KNTC1: variants seen among roughly 807,000 people sequenced by gnomAD.
KNTC1 encodes the protein kinetochore associated 1, also known as kinetochore-associated protein 1.
A neutral mutation model predicts 314.4 loss-of-function variants in KNTC1; 253 were observed. The observed-to-expected ratio is 0.80, with a 90% confidence interval of 0.73 to 0.89. The LOEUF is 0.89. Ranked by LOEUF, KNTC1 falls within the 40% of genes least tolerant of loss-of-function variation. The probability of loss-of-function intolerance (pLI) is 0.00; values close to 1 mark genes in which losing one functional copy is unlikely to be tolerated. For synonymous variants in KNTC1, 901 were observed against 901.4 expected (o/e 1.00, Z 0.01); for missense variants, 2,475 against 2,572.9 (o/e 0.96, Z 0.82).
At chr12:122,561,051 C>G (rs1172710234) in intron 18 of KNTC1, among the ~76,000 whole-genome samples, 5 of 152,116 alleles carry the variant, frequency 3.3e-5, no homozygotes, top group Admixed American at 3.3e-4. Flanking sequence ...GTGGCTCATG[C>G]CTATAATCCT....
chr12:122,556,173 C>T (rs1366267043), intron 16 of KNTC1, among the ~76,000 whole-genome samples: 4 of 151,836 alleles, frequency 2.6e-5, no homozygotes, highest in Admixed American at 1.3e-4. Flanking sequence ...CGCACCACCA[C>T]GCCTGGCTAA....
intron 2 of KNTC1, among the ~76,000 whole-genome samples, chr12:122,530,651 A>G (rs1182384158): frequency 6.6e-6 from 1 of 152,010 alleles, no homozygotes; most frequent in Non-Finnish European, 1.5e-5. Context: ...GGGTTTCTCC[A>G]TGTTGGCCAG....
In KNTC1 at chr12:122,582,687, T is replaced by C. The variant is rs754153572; in HGVS notation, c.2983-18T>C. The C allele has an allele frequency of 2.8e-5, 44 of 1,568,304 alleles. No homozygotes were observed. Among genetic ancestry groups the C allele is most frequent in the Admixed American group, 7.5e-5 (4 of 53,244 alleles). On this transcript the variant is annotated intron_variant, in intron 33 of 63. Coordinates refer to ENST00000333479, the MANE Select transcript of KNTC1 (RefSeq NM_014708.6). ...ATTAAACAGACTTGGGACTTTGTCTTGCTTACCTTTGCTACAGGAGAACTT... is the reference window on the plus strand; with the variant it reads ...ATTAAACAGACTTGGGACTTTGTCTCGCTTACCTTTGCTACAGGAGAACTT...
At chr12:122,612,994 TAG>T in intron 53 of KNTC1, 116 bp from the exon 54 acceptor site, 1 of 676,172 alleles carries the variant, frequency 1.5e-6, no homozygotes, top group Middle Eastern at 2.5e-4. Flanking sequence ...TCCGTAACTG[TAG>T]AGATTGACTT....
rs1446803863 is a variant in KNTC1, at chr12:122,546,631, A to C, written c.773A>C (p.Lys258Thr). 4.4e-6 allele frequency: 7 copies of C among 1,584,438 alleles called. No homozygotes were observed. Among genetic ancestry groups the C allele is most frequent in the Non-Finnish European group, 6.0e-6 (7 of 1,159,850 alleles). The part of the protein sequence containing the change: ...IDAEIIKGAK[K>T]FQLIDNLLFV... ...ATTTTCTCTTTTGTAGGTGCAAAGA[A>C]GTTCCAGCTGATAGACAATCTACTT... The change falls in exon 10 of 64, where the codon AAG becomes ACG. Residue 258 changes from lysine (K) to threonine (T), a missense_variant. Coordinates refer to ENST00000333479, the MANE Select transcript of KNTC1 (RefSeq NM_014708.6).
intron 51 of KNTC1, among the ~76,000 whole-genome samples, chr12:122,608,826 G>A (rs1872793661): frequency 1.3e-5 from 2 of 152,174 alleles, no homozygotes; most frequent in African/African-American, 4.8e-5. Context: ...GGGAGGCTGA[G>A]GTGGGAGGAT....
intron 20 of KNTC1, among the ~76,000 whole-genome samples, chr12:122,566,011 C>T (rs1271954549): frequency 1.5e-5 from 2 of 135,730 alleles, no homozygotes; most frequent in Non-Finnish European, 3.0e-5. Context: ...GGCATGATCT[C>T]GGCTCACTGC....
Position 122,585,653 on chromosome 12 carries a change from T to TG in KNTC1, c.3552_3553insG (p.Lys1185GlufsTer5). 1 of 1,613,924 alleles carries TG rather than the reference T, an allele frequency of 6.2e-7. No homozygotes were observed. The highest frequency in any genetic ancestry group is 8.5e-7 in the Non-Finnish European group (1 of 1,179,828). ...GCACCTAGGCTTCTTTTGGGACACA[T>TG]AAAGATCCATATGAAGAGTGGTCTT... is the stretch of plus-strand genomic sequence containing the variant. On this transcript the variant is annotated frameshift_variant, in exon 37 of 64. Coordinates refer to ENST00000333479, the MANE Select transcript of KNTC1 (RefSeq NM_014708.6). LOFTEE classifies it high-confidence loss of function.
chr12:122,548,459 C>G (rs1218358993), intron 12 of KNTC1, among the ~76,000 whole-genome samples: 1 of 152,066 alleles, frequency 6.6e-6, no homozygotes, highest in Admixed American at 6.6e-5. Context: ...TTGCCTGCCT[C>G]TCGGCCTCCC....
At chr12:122,621,766 G>A (rs1874462154) in intron 60 of KNTC1, 115 bp from the exon 61 acceptor site, 1 of 648,730 alleles carries the variant, frequency 1.5e-6, no homozygotes, top group Admixed American at 2.8e-5. Context: ...CAGTGTTTCA[G>A]TATTTAAATA....
At chr12:122,556,051 C>T (rs1963566359) in intron 16 of KNTC1, among the ~76,000 whole-genome samples, 1 of 151,574 alleles carries the variant, frequency 6.6e-6, no homozygotes, top group African/African-American at 2.4e-5. Flanking sequence ...GTTGTTTTGT[C>T]TCCCAAACTG....
At chr12:122,545,325 C>G (rs994391912) in intron 8 of KNTC1, among the ~76,000 whole-genome samples, 1 of 152,056 alleles carries the variant, frequency 6.6e-6, no homozygotes, top group African/African-American at 2.4e-5. Flanking sequence ...TTGCGTGAGC[C>G]CAGGAGTATC....
In KNTC1 at chr12:122,547,509, A is replaced by T. The variant is rs1305782164; in HGVS notation, c.911A>T (p.Asp304Val). The change falls in exon 11 of 64, where the codon GAC becomes GTC. Residue 304 changes from aspartate (D) to valine (V), a missense_variant. By Grantham distance (152) the Asp-to-Val change is radical (BLOSUM62 -3). Transcript: ENST00000333479. ...VEEFLLTTEA[D>V]SPSSVTWQGI... ...GAGTTTCTTCTTACTACAGAAGCAG[A>T]CTCTCCTTCATCAGTCACGTGGTAT... 6.2e-7 allele frequency: 1 copy of T among 1,607,128 alleles called. No homozygotes were observed. Among genetic ancestry groups the T allele is most frequent in the East Asian group, 2.2e-5 (1 of 44,824 alleles).
chr12:122,529,318 A>G (rs1021075662), intron 1 of KNTC1, among the ~76,000 whole-genome samples: 14 of 152,178 alleles, frequency 9.2e-5, no homozygotes, highest in Non-Finnish European at 1.8e-4. Context: ...TTATGAAACC[A>G]ATTGTAATTA....
At chr12:122,570,184 G>A (rs1964597096) in intron 22 of KNTC1, among the ~76,000 whole-genome samples, 3 of 152,048 alleles carry the variant, frequency 2.0e-5, no homozygotes, top group South Asian at 2.1e-4. Context: ...TGGGTGATGG[G>A]TGAGAGGTGG....
Position 122,569,785 on chromosome 12 carries a change from T to C in KNTC1, c.1821T>C (p.Asp607=). Residue 607 remains aspartate (D), a synonymous_variant, in exon 22 of 64, where the codon GAT becomes GAC. Coordinates refer to ENST00000333479, the MANE Select transcript of KNTC1 (RefSeq NM_014708.6). ...AGCTGTGTCCATGGTTTAAAAATGATGTGATTCCATTTGTAAGAAGGACTG... is the reference window on the plus strand; with the variant it reads ...AGCTGTGTCCATGGTTTAAAAATGACGTGATTCCATTTGTAAGAAGGACTG... ...LQKLCPWFKN[D]VIPFVRRTVP... is the part of the protein sequence containing the mutation. 1 of 1,613,754 alleles carries C rather than the reference T, an allele frequency of 6.2e-7. No individual in the cohort carries two copies.
chr12:122,584,392 G>A lies in KNTC1; in HGVS notation c.3378G>A (p.Leu1126=), dbSNP rs767264872. The change falls in exon 35 of 64, where the codon CTG becomes CTA. Residue 1126 remains leucine (L), a synonymous_variant. Coordinates refer to ENST00000333479, the MANE Select transcript of KNTC1 (RefSeq NM_014708.6). ...TCCCAGTGACAGTGCCTGTGGGACT[G>A]AATCTTCCTTCCATGATACATGATC... ...DNVPVTVPVG[L]NLPSMIHDLA... is the part of the protein sequence containing the mutation. The A allele has an allele frequency of 1.2e-6, 2 of 1,613,506 alleles. No homozygotes were observed. The highest frequency in any genetic ancestry group is 1.1e-5 in the South Asian group (1 of 91,004).
intron 5 of KNTC1, among the ~76,000 whole-genome samples, chr12:122,540,811 A>G (rs1962247486): frequency 6.6e-6 from 1 of 152,176 alleles, no homozygotes; most frequent in Non-Finnish European, 1.5e-5. Context: ...GTTTTTGCAA[A>G]TAACCTACTA....
chr12:122,611,824 A>G (rs952520103), intron 53 of KNTC1: 1 of 152,184 alleles, frequency 6.6e-6, no homozygotes, highest in Non-Finnish European at 1.5e-5. Context: ...TAGGCTACTT[A>G]TAACACAATG....
Sources: gnomAD v4.1 joint callset for allele counts (sites outside exome capture counted in the v4.1 genomes callset) on GRCh38, gnomAD v4.1.1 for gene constraint, MANE v1.5 for transcripts, NCBI Gene and HGNC (gene_info 2026-07-23, HGNC 2026-07-21) for gene names.